KCTD16: variants seen among roughly 807,000 people sequenced by gnomAD.
KCTD16 encodes the protein BTB/POZ domain-containing protein KCTD16.
Under a neutral mutation model 33.2 loss-of-function variants are expected in KCTD16, and 13 were observed. That is an observed-to-expected ratio of 0.39 (90% CI 0.25 to 0.62). KCTD16 has a LOEUF of 0.62. Among genes scored for constraint, KCTD16 ranks in the 20% least tolerant of loss-of-function variants. The pLI is 0.50. For synonymous variants in KCTD16, 197 were observed against 195.3 expected (o/e 1.01, Z -0.07); for missense variants, 441 against 525.1 (o/e 0.84, Z 1.57).
intron 3 of KCTD16, among the ~76,000 whole-genome samples, chr5:144,450,535 T>C (rs1053848265): frequency 6.6e-6 from 1 of 151,936 alleles, no homozygotes; most frequent in Non-Finnish European, 1.5e-5. Flanking sequence ...ATTCAAGATA[T>C]GGAAAAAACC....
chr5:144,369,582 T>G (rs1336266711), intron 3 of KCTD16, among the ~76,000 whole-genome samples: 2 of 152,206 alleles, frequency 1.3e-5, no homozygotes, highest in Admixed American at 6.5e-5. Context: ...ATCTTTCCAT[T>G]CTTTAAGACT....
At chr5:144,255,230 A>G (rs1237150154) in intron 3 of KCTD16, among the ~76,000 whole-genome samples, 1 of 152,192 alleles carries the variant, frequency 6.6e-6, no homozygotes, top group Non-Finnish European at 1.5e-5. Flanking sequence ...GTCAGTGGAC[A>G]TTTAAATTGT....
At chr5:144,332,797 A>G (rs112605555) in intron 3 of KCTD16, among the ~76,000 whole-genome samples, 8,757 of 152,278 alleles carry the variant, frequency 0.058, 838 homozygotes, top group African/African-American at 0.2. Context: ...CTGCTAATAA[A>G]GACATACCCG....
intron 3 of KCTD16, among the ~76,000 whole-genome samples, chr5:144,281,986 GTCTT>G (rs1472205578): frequency 6.6e-6 from 1 of 152,008 alleles, no homozygotes; most frequent in African/African-American, 2.4e-5. Context: ...TACATATTTG[GTCTT>G]TCTCTTAGTT....
chr5:144,290,538 A>G (rs1260981200), intron 3 of KCTD16, among the ~76,000 whole-genome samples: 1 of 152,228 alleles, frequency 6.6e-6, no homozygotes, highest in African/African-American at 2.4e-5. Context: ...CAAGAAAAGT[A>G]AAAGTCCCTG....
At chr5:144,233,288 C>A (rs1754159379) in intron 3 of KCTD16, among the ~76,000 whole-genome samples, 1 of 151,992 alleles carries the variant, frequency 6.6e-6, no homozygotes, top group African/African-American at 2.4e-5. Context: ...AGGCTGTGAT[C>A]CTTGTCATTT....
chr5:144,383,883 C>G (rs73795524), intron 3 of KCTD16, among the ~76,000 whole-genome samples: 15,871 of 152,016 alleles, frequency 0.1, 2,078 homozygotes, highest in African/African-American at 0.31. Flanking sequence ...TGAAACACTT[C>G]GTTAAAAACC....
At chr5:144,359,216 C>T (rs1396878337) in intron 3 of KCTD16, among the ~76,000 whole-genome samples, 1 of 152,174 alleles carries the variant, frequency 6.6e-6, no homozygotes, top group Non-Finnish European at 1.5e-5. Flanking sequence ...AACAGCCTCC[C>T]AGAATGTTTC....
chr5:144,327,621 TTTTGC>T, intron 3 of KCTD16, among the ~76,000 whole-genome samples: 1 of 152,088 alleles, frequency 6.6e-6, no homozygotes, highest in East Asian at 1.9e-4. Flanking sequence ...AAAACAGAAA[TTTTGC>T]ATTTTCCGAT....
chr5:144,388,065 GTTTTTTTTTTTT>G (rs397999492), intron 3 of KCTD16, among the ~76,000 whole-genome samples: 70 of 73,662 alleles, frequency 9.5e-4, no homozygotes, highest in African/African-American at 4.0e-3. Context: ...TTTAGAGCAA[GTTTTTTTTTTTT>G]TTTTTTTTTT....
intron 3 of KCTD16, among the ~76,000 whole-genome samples, chr5:144,295,567 A>G (rs943284519): frequency 6.6e-6 from 1 of 152,142 alleles, no homozygotes; most frequent in Admixed American, 6.5e-5. Flanking sequence ...CCTGTCAGTC[A>G]TTGACTATGG....
intron 3 of KCTD16, among the ~76,000 whole-genome samples, chr5:144,424,799 T>G (rs1382936819): frequency 6.6e-6 from 1 of 152,084 alleles, no homozygotes; most frequent in Admixed American, 6.6e-5. Context: ...AAGTCATTAA[T>G]CCATTCATGA....
chr5:144,375,899 C>T (rs146545022), intron 3 of KCTD16, among the ~76,000 whole-genome samples: 7,919 of 152,034 alleles, frequency 0.052, 678 homozygotes, highest in African/African-American at 0.18. Context: ...CAACCTCCGC[C>T]TCCTGGGTTC....
chr5:144,195,017 C>T (rs1185187188), intron 2 of KCTD16, among the ~76,000 whole-genome samples: 3 of 152,100 alleles, frequency 2.0e-5, no homozygotes, highest in Admixed American at 1.3e-4. Flanking sequence ...ATTAGATTTC[C>T]TTTGTGTCAC....
chr5:144,249,969 G>C (rs1320643545), intron 3 of KCTD16, among the ~76,000 whole-genome samples: 1 of 152,176 alleles, frequency 6.6e-6, no homozygotes, highest in African/African-American at 2.4e-5. Context: ...AAATTTTGCT[G>C]ACTCAAGTCT....
At chr5:144,283,309 T>C (rs1407581977) in intron 3 of KCTD16, among the ~76,000 whole-genome samples, 1 of 152,226 alleles carries the variant, frequency 6.6e-6, no homozygotes, top group Non-Finnish European at 1.5e-5. Context: ...CTCTATTATT[T>C]ACTTTTAGTG....
chr5:144,440,199 C>T (rs1013453647), intron 3 of KCTD16, among the ~76,000 whole-genome samples: 3 of 152,132 alleles, frequency 2.0e-5, no homozygotes, highest in Non-Finnish European at 4.4e-5. Flanking sequence ...ATACTTATCC[C>T]TCATCATTTT....
At chr5:144,367,175 T>C (rs934524605) in intron 3 of KCTD16, among the ~76,000 whole-genome samples, 1 of 152,214 alleles carries the variant, frequency 6.6e-6, no homozygotes, top group South Asian at 2.1e-4. Flanking sequence ...CAGTAATAGA[T>C]AGCCGACTTA....
chr5:144,422,481 T>A (rs932999668), intron 3 of KCTD16, among the ~76,000 whole-genome samples: 5 of 152,198 alleles, frequency 3.3e-5, no homozygotes, highest in Non-Finnish European at 7.3e-5. Context: ...TTTCAGCAAG[T>A]GCTATTTATT....
Sources: gnomAD v4.1 joint callset for allele counts (sites outside exome capture counted in the v4.1 genomes callset) on GRCh38, gnomAD v4.1.1 for gene constraint, MANE v1.5 for transcripts, NCBI Gene and HGNC (gene_info 2026-07-23, HGNC 2026-07-21) for gene names.